CYTH3: variants seen among roughly 807,000 people sequenced by gnomAD.
CYTH3 encodes the protein cytohesin-3.
CYTH3 carries 23 observed loss-of-function variants against 55.1 expected under a neutral mutation model. The observed-to-expected ratio is 0.42, with a 90% CI of 0.30 to 0.59. The LOEUF (loss-of-function observed/expected upper bound fraction) is 0.59. Among genes scored for constraint, CYTH3 ranks in the 20% least tolerant of loss-of-function variants. CYTH3 has a pLI of 0.20. For missense variants in CYTH3, 413 were observed against 524.8 expected (o/e 0.79, Z 2.08); for synonymous variants, 249 against 194.9 (o/e 1.28, Z -2.31).
At chr7:6,233,645 G>C (rs1463168209) in intron 1 of CYTH3, among the ~76,000 whole-genome samples, 1 of 137,810 alleles carries the variant, frequency 7.3e-6, no homozygotes, top group Non-Finnish European at 1.5e-5. Context: ...GACAGAGCGA[G>C]ACTCCATCTC....
intron 4 of CYTH3, 145 bp from the exon 5 acceptor site, chr7:6,178,086 G>T: frequency 3.3e-6 from 2 of 602,706 alleles, no homozygotes; most frequent in East Asian, 2.7e-5. Flanking sequence ...TGCACAATCT[G>T]ATTTTCCCAA....
At chr7:6,211,191 G>T (rs1784311991) in intron 1 of CYTH3, among the ~76,000 whole-genome samples, 1 of 152,186 alleles carries the variant, frequency 6.6e-6, no homozygotes, top group Non-Finnish European at 1.5e-5. Flanking sequence ...CACCTGGCTG[G>T]CTCCAGCTCC....
chr7:6,206,483 A>G lies in CYTH3; in HGVS notation c.35-15952T>C, dbSNP rs145280154. On this transcript the variant is annotated intron_variant, in intron 1 of 12. Coordinates refer to ENST00000350796, the MANE Select transcript of CYTH3 (RefSeq NM_004227.4). ...CAGAAAGTACTGCCTGAAGAAGGGC[A>G]TATCAGAGCCTCCTGTGATGTTGCA... Among the ~76,000 whole-genome samples the G allele has an allele frequency of 4.1e-3, 631 of 152,358 alleles. 8 individuals are homozygous for G. The highest frequency in any genetic ancestry group is 0.014 in the African/African-American group (585 of 41,578).
chr7:6,203,054 A>G (rs1784095627), intron 1 of CYTH3, among the ~76,000 whole-genome samples: 1 of 152,232 alleles, frequency 6.6e-6, no homozygotes. Context: ...AAAATAGACT[A>G]AAGCTATGAG....
chr7:6,177,966 CT>C, intron 4 of CYTH3, 25 bp from the exon 5 acceptor site: 1 of 1,561,528 alleles, frequency 6.4e-7, no homozygotes, highest in Non-Finnish European at 8.8e-7. Context: ...AATGGAAGCA[CT>C]GGTTAGGAGT....
chr7:6,255,930 A>C (rs1235437020), intron 1 of CYTH3, among the ~76,000 whole-genome samples: 5 of 151,558 alleles, frequency 3.3e-5, no homozygotes, highest in African/African-American at 1.2e-4. Flanking sequence ...CGCCCAGCTA[A>C]TTTTTTGTAT....
intron 1 of CYTH3, among the ~76,000 whole-genome samples, chr7:6,244,595 G>A (rs1011554011): frequency 2.0e-5 from 3 of 152,154 alleles, no homozygotes; most frequent in African/African-American, 7.2e-5. Context: ...CTCCTGAGTA[G>A]CTGGGACTAC....
At chr7:6,179,753 ACCC>A (rs1783445995) in intron 4 of CYTH3, among the ~76,000 whole-genome samples, 2 of 84,274 alleles carry the variant, frequency 2.4e-5, no homozygotes, top group South Asian at 8.8e-4. Flanking sequence ...CACACCCCAC[ACCC>A]CCACCACACA....
intron 1 of CYTH3, among the ~76,000 whole-genome samples, chr7:6,269,552 C>T (rs1255370754): frequency 6.8e-6 from 1 of 146,108 alleles, no homozygotes; most frequent in Non-Finnish European, 1.5e-5. Context: ...GACACGAAGA[C>T]AATCCCAATG....
intron 4 of CYTH3, among the ~76,000 whole-genome samples, chr7:6,182,724 G>T (rs1377138026): frequency 6.6e-6 from 1 of 151,970 alleles, no homozygotes; most frequent in Non-Finnish European, 1.5e-5. Context: ...ATGTTAGGCT[G>T]GTTTTGAACT....
At chr7:6,247,316 C>G (rs924184316) in intron 1 of CYTH3, among the ~76,000 whole-genome samples, 1 of 152,214 alleles carries the variant, frequency 6.6e-6, no homozygotes, top group South Asian at 2.1e-4. Context: ...AACCCTCTCC[C>G]CAGGTTCTGA....
At chr7:6,165,508 G>A (rs770292584) in intron 11 of CYTH3, 37 bp downstream of exon 11, 10 of 1,610,868 alleles carry the variant, frequency 6.2e-6, no homozygotes, top group East Asian at 2.2e-5. Context: ...GCTCCCAGGT[G>A]GCTGGCAGGA....
At chr7:6,218,003 C>CA (rs1784464433) in intron 1 of CYTH3, among the ~76,000 whole-genome samples, 1 of 152,002 alleles carries the variant, frequency 6.6e-6, no homozygotes. Context: ...GGCAACATGA[C>CA]AAAACCTCAT....
rs34013002 is a variant in CYTH3 at position 6,236,364 on chromosome 7, C to CT, written c.34+36109dup. On this transcript the variant is annotated intron_variant, in intron 1 of 12. Transcript: ENST00000350796. ...GACTACAGGCGCACACTACGCCTGA[C>CT]TTTTTTTTTTTTTTTTTTTACTTTT... is the stretch of plus-strand genomic sequence containing the variant. Among the ~76,000 whole-genome samples, 90 of 122,300 alleles carry CT rather than the reference C, an allele frequency of 7.4e-4. 1 individual carries two copies. Among genetic ancestry groups the CT allele is most frequent in the East Asian group, 2.7e-3 (12 of 4,372 alleles). The allele number at this position is 122,300 out of a possible 152,430, so 80.2% of individuals were successfully genotyped here.
intron 4 of CYTH3, among the ~76,000 whole-genome samples, chr7:6,179,665 C>A (rs200009492): frequency 4.2e-5 from 4 of 96,270 alleles, no homozygotes; most frequent in South Asian, 3.4e-4. Flanking sequence ...CACACACACC[C>A]CACACACACA....
At chr7:6,174,033 A>G (rs1052782601) in intron 5 of CYTH3, among the ~76,000 whole-genome samples, 1 of 151,366 alleles carries the variant, frequency 6.6e-6, no homozygotes, top group Non-Finnish European at 1.5e-5. Context: ...AATACCTAAG[A>G]GTGGAATTAC....
intron 1 of CYTH3, among the ~76,000 whole-genome samples, chr7:6,261,484 G>A (rs1172817151): frequency 6.6e-6 from 1 of 152,092 alleles, no homozygotes; most frequent in Non-Finnish European, 1.5e-5. Flanking sequence ...GGAGGCTGAG[G>A]CAGGCAGATC....
chr7:6,197,456 G>A (rs933682099), intron 1 of CYTH3, among the ~76,000 whole-genome samples: 1 of 152,184 alleles, frequency 6.6e-6, no homozygotes, highest in Non-Finnish European at 1.5e-5. Context: ...GCCGAAGTGG[G>A]CGGATCACCT....
intron 1 of CYTH3, among the ~76,000 whole-genome samples, chr7:6,253,880 C>G (rs945173572): frequency 6.6e-6 from 1 of 151,732 alleles, no homozygotes; most frequent in Non-Finnish European, 1.5e-5. Context: ...GTAATCCCAA[C>G]TACTCGGGAG....
Sources: allele counts gnomAD v4.1 joint callset (sites outside exome capture counted in the v4.1 genomes callset), GRCh38; gene constraint gnomAD v4.1.1; transcripts MANE v1.5; gene names NCBI Gene and HGNC (gene_info 2026-07-23, HGNC 2026-07-21).